BRWD3: variants seen among roughly 807,000 people sequenced by gnomAD.
The protein encoded by BRWD3 is bromodomain and WD repeat-containing protein 3.
BRWD3 carries 10 observed loss-of-function variants against 149.7 expected under a neutral mutation model. The ratio of observed to expected loss-of-function variants is 0.07; its 90% CI spans 0.04 to 0.11. BRWD3 has a LOEUF of 0.11. BRWD3 is among the 10% of genes least tolerant of loss of function. The pLI is 1.00. For missense variants in BRWD3, 940 were observed against 1,373.2 expected (o/e 0.68, Z 4.99); for synonymous variants, 504 against 456.7 (o/e 1.10, Z -1.32).
At chrX:80,796,094 T>C (rs896782305) in intron 4 of BRWD3, among the ~76,000 whole-genome samples, 3 of 110,347 alleles carry the variant, frequency 2.7e-5, no homozygotes, top group African/African-American at 9.9e-5. Flanking sequence ...AATAAATGAA[T>C]AAAAATCAAA....
intron 31 of BRWD3, 118 bp from the exon 32 acceptor site, chrX:80,690,210 G>T: frequency 2.8e-6 from 2 of 709,336 alleles, no homozygotes; most frequent in Non-Finnish European, 4.2e-6. Context: ...GTTCCAATAT[G>T]CATATAACTC....
chrX:80,707,577 C>G, intron 21 of BRWD3, 74 bp from the exon 22 acceptor site: 1 of 989,217 alleles, frequency 1.0e-6, no homozygotes, highest in Non-Finnish European at 1.4e-6. Context: ...AAACCACTAC[C>G]TGTTTTATAG....
chrX:80,735,100 C>T (rs758341049), intron 10 of BRWD3, 27 bp downstream of exon 10: 6 of 1,139,511 alleles, frequency 5.3e-6, no homozygotes, highest in African/African-American at 3.6e-5. Flanking sequence ...ATTCTAGATG[C>T]TCAAAACATT....
Position 80,691,884 on chromosome X carries a change from A to T in BRWD3, c.3420T>A (p.Ala1140=). The T allele has an allele frequency of 3.3e-6, 4 of 1,210,446 alleles. No individual in the cohort carries two copies. Among genetic ancestry groups the T allele is most frequent in the Non-Finnish European group, 4.5e-6 (4 of 895,181 alleles). The part of the protein sequence containing the change: ...LYKPQEGEWG[A]HSRDEECERV... ...GTTCACATTCTTCGTCTCTGGAATG[A>T]GCCCCCCACTCTCCTTCCTGGGGTT... The change falls in exon 30 of 41, where the codon GCT becomes GCA. Residue 1140 remains alanine (A), a synonymous_variant. Transcript: ENST00000373275.
At chrX:80,805,849 C>A (rs747838508) in intron 4 of BRWD3, among the ~76,000 whole-genome samples, 13 of 111,070 alleles carry the variant, frequency 1.2e-4, no homozygotes, top group Non-Finnish European at 2.1e-4. Flanking sequence ...GCAGGAGAAT[C>A]GCTTGAACCT....
chrX:80,733,449 TA>T lies in BRWD3; in HGVS notation c.1127+6del, dbSNP rs754079205. The T allele has an allele frequency of 8.4e-6, 10 of 1,183,641 alleles. No individual in the cohort carries two copies. In the Admixed American group the frequency reaches 2.2e-4, roughly 26 times the overall value. ...TTTGTTTACACAAATATGTATTACA[TA>T]ATTACCTGTCTCCATTGTTACAGAA... On this transcript the variant is annotated splice_donor_region_variant and intron_variant, in intron 12 of 40. Transcript: ENST00000373275.
intron 8 of BRWD3, among the ~76,000 whole-genome samples, chrX:80,738,164 C>T (rs2073430878): frequency 8.9e-6 from 1 of 112,320 alleles, no homozygotes. Context: ...ATTTAAATTG[C>T]TTCATCTATC....
At chrX:80,772,386 C>T (rs1474471440) in intron 6 of BRWD3, among the ~76,000 whole-genome samples, 1 of 111,291 alleles carries the variant, frequency 9.0e-6, no homozygotes, top group Non-Finnish European at 1.9e-5. Context: ...CCGAACACCG[C>T]ATGTTCTCAC....
chrX:80,692,235 G>T, intron 28 of BRWD3, 85 bp from the exon 29 acceptor site: 9 of 904,863 alleles, frequency 9.9e-6, no homozygotes, highest in African/African-American at 2.0e-5. Context: ...TGACTTCTTG[G>T]GGGTGAAATT....
intron 6 of BRWD3, among the ~76,000 whole-genome samples, chrX:80,754,948 C>A (rs949000817): frequency 3.6e-5 from 4 of 111,279 alleles, no homozygotes; most frequent in Non-Finnish European, 7.5e-5. Context: ...GCGGAGGTTG[C>A]AGTAAGCCGA....
At chrX:80,713,319 G>A (rs1243131985) in intron 20 of BRWD3, among the ~76,000 whole-genome samples, 3 of 112,065 alleles carry the variant, frequency 2.7e-5, no homozygotes, top group Non-Finnish European at 5.7e-5. Context: ...AGTAGACATG[G>A]GAGACTTTTC....
intron 6 of BRWD3, among the ~76,000 whole-genome samples, chrX:80,767,172 G>A (rs1033547484): frequency 1.8e-5 from 2 of 112,304 alleles, no homozygotes; most frequent in African/African-American, 6.5e-5. Context: ...AAACCTCCCT[G>A]TCTGACAGCT....
rs1172505273 is a variant in BRWD3, at chrX:80,692,920, A to C, written c.3263+20T>G. On this transcript the variant is annotated intron_variant, in intron 28 of 40. Transcript: ENST00000373275. ...TACTACAATGTCATATTAGGCATAA[A>C]AGATCATAAACATACTTACTGAACA... 1 of 1,144,405 alleles carries C rather than the reference A, an allele frequency of 8.7e-7. No individual in the cohort carries two copies. The highest frequency in any genetic ancestry group is 1.8e-5 in the South Asian group (1 of 55,541). 94.3% of individuals were successfully genotyped at this position (1,144,405 alleles called of 1,213,427 possible). A position where few individuals can be genotyped will look rare whatever the true frequency, so the allele number is the denominator to read the frequency against.
chrX:80,750,857 TACACACAC>T lies in BRWD3; in HGVS notation c.431-5136_431-5129del, dbSNP rs59394410. 1.9e-3 allele frequency among the ~76,000 whole-genome samples: 177 copies of T among 93,931 alleles called. 1 individual carries two copies. The highest frequency in any genetic ancestry group is 6.0e-3 in the African/African-American group (150 of 25,127). 81.6% of individuals were successfully genotyped at this position (93,931 alleles called of 115,157 possible). On this transcript the variant is annotated intron_variant, in intron 6 of 40. Transcript: ENST00000373275. ...CAGATGAATGAATCAATGTGTTTTA[TACACACAC>T]ACACACACACACACACACACACACA...
chrX:80,779,698 C>T (rs760082978), intron 6 of BRWD3, among the ~76,000 whole-genome samples: 181 of 111,476 alleles, frequency 1.6e-3, no homozygotes, highest in Admixed American at 4.1e-3. Flanking sequence ...GCCACGAAAG[C>T]GACAAAAATG....
chrX:80,698,724 G>T (rs2147705297), intron 25 of BRWD3, among the ~76,000 whole-genome samples: 1 of 100,987 alleles, frequency 9.9e-6, no homozygotes, highest in Admixed American at 1.1e-4. Flanking sequence ...AAAAAAAAGA[G>T]TAAGAAATCA....
chrX:80,802,989 C>G (rs1312515162), intron 4 of BRWD3, among the ~76,000 whole-genome samples: 2 of 109,138 alleles, frequency 1.8e-5, no homozygotes, highest in African/African-American at 3.4e-5. Flanking sequence ...GTAGTCCCAG[C>G]TACTCAGGAG....
rs137853272 is a variant in BRWD3 at position 80,677,232 on chromosome X, T to C, written c.4786A>G (p.Lys1596Glu). The stretch of plus-strand genomic sequence containing the variant: ...GAGGTGGATAAATGAGATTTCTCTT[T>C]TGTTTCTTTTTTCTCTTTATCTTCT... ...GGEDKEKKET[K>E]EKSHLSTSES... is the part of the protein sequence containing the mutation. Residue 1596 changes from lysine (K) to glutamate (E), a missense_variant, in exon 41 of 41, where the codon AAA becomes GAA. Coordinates refer to ENST00000373275, the MANE Select transcript of BRWD3 (RefSeq NM_153252.5). 3.3e-6 allele frequency: 4 copies of C among 1,210,360 alleles called. No homozygotes were observed. Among genetic ancestry groups the C allele is most frequent in the Non-Finnish European group, 4.5e-6 (4 of 894,859 alleles).
At chrX:80,772,278 C>T (rs926943774) in intron 6 of BRWD3, among the ~76,000 whole-genome samples, 3 of 111,706 alleles carry the variant, frequency 2.7e-5, no homozygotes, top group African/African-American at 9.8e-5. Context: ...CCATAGAATA[C>T]TATGCAGCCA....
Sources: gnomAD v4.1 joint callset for allele counts (sites outside exome capture counted in the v4.1 genomes callset) on GRCh38, gnomAD v4.1.1 for gene constraint, MANE v1.5 for transcripts, NCBI Gene and HGNC (gene_info 2026-07-23, HGNC 2026-07-21) for gene names.